The following EGFL6 variants were observed in gnomAD, a reference collection of about 807,000 sequenced individuals.
EGFL6 encodes EGF like domain multiple 6.
In EGFL6, 42 loss-of-function variants were observed where a neutral mutation model predicts 43.1. The observed-to-expected ratio is 0.98, with a 90% CI of 0.76 to 1.26. The LOEUF is 1.26. Among genes scored for constraint, EGFL6 ranks in the 50% most tolerant of loss-of-function variants. EGFL6 has a pLI of 0.00. For missense variants in EGFL6, 429 were observed against 427.8 expected (o/e 1.00, Z -0.02); for synonymous variants, 164 against 163.2 (o/e 1.01, Z -0.04).
chrX:13,592,028 G>A (rs768741105), intron 2 of EGFL6, among the ~76,000 whole-genome samples: 1 of 111,073 alleles, frequency 9.0e-6, no homozygotes, highest in Non-Finnish European at 1.9e-5. Flanking sequence ...CCTTGCTGTC[G>A]ATTGGCTGTT....
intron 1 of EGFL6, among the ~76,000 whole-genome samples, chrX:13,586,192 G>A (rs2045532617): frequency 9.5e-6 from 1 of 104,858 alleles, no homozygotes; most frequent in African/African-American, 3.5e-5. Context: ...AAAACAAGAT[G>A]CTACTTCTCA....
intron 11 of EGFL6, among the ~76,000 whole-genome samples, chrX:13,628,723 C>T (rs923797129): frequency 1.8e-5 from 2 of 111,883 alleles, no homozygotes; most frequent in African/African-American, 6.5e-5. Flanking sequence ...AGGAGAATTG[C>T]TTTAACCCGG....
At chrX:13,607,304 A>G (rs971177970) in intron 6 of EGFL6, among the ~76,000 whole-genome samples, 1 of 111,176 alleles carries the variant, frequency 9.0e-6, no homozygotes, top group African/African-American at 3.3e-5. Flanking sequence ...TAACAAAGCT[A>G]TATGCATGAC....
chrX:13,597,894 T>C (rs1267211833), intron 3 of EGFL6, among the ~76,000 whole-genome samples: 1 of 112,721 alleles, frequency 8.9e-6, no homozygotes, highest in African/African-American at 3.2e-5. Context: ...ACCAAGATAC[T>C]GTCTCAAGAG....
intron 2 of EGFL6, among the ~76,000 whole-genome samples, chrX:13,589,888 A>G (rs763791059): frequency 8.9e-6 from 1 of 112,679 alleles, no homozygotes; most frequent in African/African-American, 3.2e-5. Context: ...CTGTCTTGTC[A>G]ATTATTTTTG....
chrX:13,602,690 G>A (rs1373002696), intron 4 of EGFL6, among the ~76,000 whole-genome samples: 1 of 111,781 alleles, frequency 8.9e-6, no homozygotes, highest in Non-Finnish European at 1.9e-5. Flanking sequence ...TCCCTCCAGT[G>A]GACTTATTTT....
chrX:13,617,895 C>T lies in EGFL6; in HGVS notation c.944C>T (p.Pro315Leu). The T allele has an allele frequency of 8.3e-7, 1 of 1,211,069 alleles. No homozygotes were observed. The highest frequency in any genetic ancestry group is 1.1e-6 in the Non-Finnish European group (1 of 895,403). The change falls in exon 8 of 12, where the codon CCC (proline) becomes CTC (leucine). Residue 315 changes from proline (P) to leucine (L), a missense_variant. Physicochemically the swap from Pro to Leu is moderately conservative, Grantham distance 98 (BLOSUM62 -3). Coordinates refer to ENST00000361306, the MANE Select transcript of EGFL6 (RefSeq NM_015507.4). ...RTPTPKVNLQ[P>L]FNYEEIVSRG... ...CCTACCCCTAAGGTGAACTTGCAGC[C>T]CTTCAACTATGAAGAGATAGTTTCC...
intron 1 of EGFL6, among the ~76,000 whole-genome samples, chrX:13,579,612 G>T (rs2045494039): frequency 9.0e-6 from 1 of 111,623 alleles, no homozygotes; most frequent in South Asian, 3.8e-4. Flanking sequence ...TATATACCCA[G>T]AAATGGGATT....
At chrX:13,630,185 TAACA>T (rs2045802978) in intron 11 of EGFL6, among the ~76,000 whole-genome samples, 1 of 111,792 alleles carries the variant, frequency 8.9e-6, no homozygotes, top group African/African-American at 3.3e-5. Flanking sequence ...AGCTTGTGGG[TAACA>T]AACGTCAGGA....
chrX:13,583,847 A>T (rs779356051), intron 1 of EGFL6, among the ~76,000 whole-genome samples: 80 of 111,586 alleles, frequency 7.2e-4, no homozygotes, highest in African/African-American at 2.5e-3. Flanking sequence ...GAAATCCAGC[A>T]CCACTTTTAA....
chrX:13,603,212 C>T, intron 4 of EGFL6, 105 bp from the exon 5 acceptor site: 1 of 912,447 alleles, frequency 1.1e-6, no homozygotes, highest in East Asian at 3.5e-5. Context: ...CCTATAATGC[C>T]ATGCAACGTG....
intron 8 of EGFL6, among the ~76,000 whole-genome samples, chrX:13,618,639 C>A (rs943666198): frequency 9.0e-6 from 1 of 111,650 alleles, no homozygotes; most frequent in Non-Finnish European, 1.9e-5. Flanking sequence ...AAGGCTCAGT[C>A]CCCCCAGGAG....
rs1229664761 is a variant in EGFL6, at chrX:13,627,285, G to GA, written c.1551+16dup. On this transcript the variant is annotated intron_variant, in intron 11 of 11. Transcript: ENST00000361306. ...CTGATGCTACCAAAAGCGTAAGTGGGAAAAAAATGATTAAACTCAATATTT... is the reference window on the plus strand; with the variant it reads ...CTGATGCTACCAAAAGCGTAAGTGGGAAAAAAAATGATTAAACTCAATATTT... 5.9e-6 allele frequency: 7 copies of GA among 1,191,017 alleles called. No individual in the cohort carries two copies. The highest frequency in any genetic ancestry group is 3.5e-5 in the African/African-American group (2 of 56,373).
intron 1 of EGFL6, among the ~76,000 whole-genome samples, chrX:13,580,639 ACAC>A (rs756703796): frequency 3.6e-5 from 4 of 111,530 alleles, no homozygotes; most frequent in African/African-American, 9.8e-5. Flanking sequence ...TCATCCAGCT[ACAC>A]CACCATTATC....
At chrX:13,588,822 C>T (rs2045547285) in intron 1 of EGFL6, among the ~76,000 whole-genome samples, 1 of 112,687 alleles carries the variant, frequency 8.9e-6, no homozygotes, top group African/African-American at 3.2e-5. Flanking sequence ...CAGTCATGCG[C>T]ATCTGTTTAC....
At chrX:13,591,036 G>A (rs188140587) in intron 2 of EGFL6, among the ~76,000 whole-genome samples, 3 of 111,586 alleles carry the variant, frequency 2.7e-5, no homozygotes, top group Admixed American at 9.5e-5. Flanking sequence ...ACCTCTGAGA[G>A]TAAGGAATGT....
At position 13,597,771 on chromosome X, in the gene EGFL6, G is replaced by A. The variant is rs753662935; in HGVS notation, c.281-2204G>A. ...TGCACTGCAGCCTGGGCAACAGAGC[G>A]AGACTCCATCTCAGAAAAAAAAATC... On this transcript the variant is annotated intron_variant, in intron 3 of 11. Transcript: ENST00000361306. 1.8e-3 allele frequency among the ~76,000 whole-genome samples: 189 copies of A among 107,513 alleles called. 1 individual carries two copies. Among genetic ancestry groups the A allele is most frequent in the Non-Finnish European group, 2.8e-3 (146 of 52,134 alleles). The allele number at this position is 107,513 out of a possible 115,157, so 93.4% of individuals were successfully genotyped here. A position where few individuals can be genotyped will look rare whatever the true frequency, so the allele number is the denominator to read the frequency against.
intron 3 of EGFL6, among the ~76,000 whole-genome samples, chrX:13,599,312 A>G (rs962073997): frequency 3.6e-5 from 4 of 111,941 alleles, no homozygotes; most frequent in Non-Finnish European, 5.6e-5. Context: ...ATCAAAAGCC[A>G]GAAACTTGGC....
intron 1 of EGFL6, among the ~76,000 whole-genome samples, chrX:13,578,680 C>CA (rs973940814): frequency 5.4e-5 from 6 of 110,328 alleles, no homozygotes; most frequent in African/African-American, 2.0e-4. Context: ...ATCGCAAGGA[C>CA]AAAAAACCAA....
Sources: gnomAD v4.1 joint callset for allele counts (sites outside exome capture counted in the v4.1 genomes callset) on GRCh38, gnomAD v4.1.1 for gene constraint, MANE v1.5 for transcripts, NCBI Gene and HGNC (gene_info 2026-07-23, HGNC 2026-07-21) for gene names.